Variants in RBM33 observed in about 807,000 individuals in gnomAD.
RBM33 encodes the protein RNA-binding protein 33.
In RBM33, 28 loss-of-function variants were observed where a neutral mutation model predicts 132.6. The ratio of observed to expected loss-of-function variants is 0.21; its 90% CI spans 0.16 to 0.29. RBM33 has a LOEUF of 0.29. RBM33 is among the 10% of genes least tolerant of loss of function. RBM33 has a pLI of 1.00. For missense variants in RBM33, 1,291 were observed against 1,518.5 expected (o/e 0.85, Z 2.49); for synonymous variants, 634 against 593.0 (o/e 1.07, Z -1.01).
chr7:155,712,164 C>T (rs1800323924), intron 8 of RBM33, among the ~76,000 whole-genome samples: 2 of 152,190 alleles, frequency 1.3e-5, no homozygotes, highest in African/African-American at 2.4e-5. Context: ...TGGTGAGTGT[C>T]CCTCTTTGGT....
In RBM33 at chr7:155,749,015, C is replaced by T. The variant is rs570285032; in HGVS notation, c.2979+3413C>T. 1.8e-4 allele frequency among the ~76,000 whole-genome samples: 28 copies of T among 152,248 alleles called. No individual in the cohort carries two copies. In the East Asian group the frequency reaches 3.9e-3, roughly 21 times the overall value. ...CCTTTCTCTAGGACTGAGAGCTCAC[C>T]TGTGCACGCAGTCATGTGATGGGGT... On this transcript the variant is annotated intron_variant, in intron 14 of 17. Transcript: ENST00000401878.
chr7:155,704,256 A>G (rs772738676), intron 6 of RBM33, among the ~76,000 whole-genome samples: 2 of 152,178 alleles, frequency 1.3e-5, no homozygotes, highest in African/African-American at 2.4e-5. Flanking sequence ...CTAGGTTAAG[A>G]TCTTAATTGA....
chr7:155,719,925 T>G (rs1800571201), intron 9 of RBM33, among the ~76,000 whole-genome samples: 1 of 152,244 alleles, frequency 6.6e-6, no homozygotes, highest in South Asian at 2.1e-4. Flanking sequence ...GAATAGTCAA[T>G]TGCAATTTTT....
chr7:155,765,664 TC>T (rs2117071734), intron 15 of RBM33, among the ~76,000 whole-genome samples: 1 of 152,342 alleles, frequency 6.6e-6, no homozygotes, highest in South Asian at 2.1e-4. Context: ...TTCACCGCTG[TC>T]CTAGGCTACA....
At chr7:155,764,269 C>T (rs1200895930) in intron 15 of RBM33, among the ~76,000 whole-genome samples, 1 of 152,186 alleles carries the variant, frequency 6.6e-6, no homozygotes, top group African/African-American at 2.4e-5. Context: ...TGCTTCCTGC[C>T]GCTCTGAACT....
At chr7:155,684,718 C>T (rs1179220561) in intron 5 of RBM33, among the ~76,000 whole-genome samples, 1 of 152,206 alleles carries the variant, frequency 6.6e-6, no homozygotes, top group African/African-American at 2.4e-5. Flanking sequence ...GGCACTTGCT[C>T]TGGTGGCTGG....
Position 155,764,036 on chromosome 7 carries a change from G to T in RBM33, c.3186+18G>T. The stretch of plus-strand genomic sequence containing the variant: ...CGAAGAAGGTACTGCTTGTTGCCTC[G>T]CACGCAGCCCTGGAAACGCGAAGGC... On this transcript the variant is annotated intron_variant, in intron 15 of 17. Coordinates refer to ENST00000401878, the MANE Select transcript of RBM33 (RefSeq NM_053043.3). 6.7e-7 allele frequency: 1 copy of T among 1,497,324 alleles called. No homozygotes were observed. Among genetic ancestry groups the T allele is most frequent in the Non-Finnish European group, 8.9e-7 (1 of 1,120,522 alleles). The allele number at this position is 1,497,324 out of a possible 1,614,324, so 92.8% of individuals were successfully genotyped here. A position where few individuals can be genotyped will look rare whatever the true frequency, so the allele number is the denominator to read the frequency against.
At chr7:155,678,895 G>T (rs1164489434) in intron 4 of RBM33, among the ~76,000 whole-genome samples, 2 of 152,244 alleles carry the variant, frequency 1.3e-5, no homozygotes, top group Admixed American at 1.3e-4. Context: ...TTCTTGGCCA[G>T]GCGTTGTAGC....
intron 9 of RBM33, 110 bp from the exon 10 acceptor site, chr7:155,737,420 G>A (rs867813758): frequency 7.0e-5 from 74 of 1,059,006 alleles, no homozygotes; most frequent in Middle Eastern, 6.5e-4. Context: ...TAGGAGACAC[G>A]TTACTTGACA....
At chr7:155,766,257 C>A (rs1209453132) in intron 15 of RBM33, among the ~76,000 whole-genome samples, 3 of 152,184 alleles carry the variant, frequency 2.0e-5, no homozygotes, top group Admixed American at 2.0e-4. Flanking sequence ...GCTCCCTCCT[C>A]TTCCTCCGCC....
At position 155,689,756 on chromosome 7, in the gene RBM33, G is replaced by A. The variant is rs541535622; in HGVS notation, c.567+8848G>A. ...CCCAGTAGTCAGTCAGGAGCAGGTT[G>A]TTCAGTTTCCATGTAGTTGAGCGGT... On this transcript the variant is annotated intron_variant, in intron 5 of 17. Transcript: ENST00000401878. Among the ~76,000 whole-genome samples the A allele has an allele frequency of 1.1e-4, 16 of 152,324 alleles. No homozygotes were observed. The South Asian group carries it at 2.7e-3, about 26-fold the overall frequency.
At chr7:155,695,090 T>A (rs1799754545) in intron 5 of RBM33, among the ~76,000 whole-genome samples, 1 of 152,178 alleles carries the variant, frequency 6.6e-6, no homozygotes, top group Admixed American at 6.5e-5. Context: ...TTCTAGTGAG[T>A]GTGTCATCGT....
Position 155,682,781 on chromosome 7 carries a change from AGAGTTT to A in RBM33, c.567+1875_567+1880del. ...GTCTCTTTCACTTTGGTGTTCTTGC[AGAGTTT>A]GTTGTAAAGAGAATTTCCAAGTGAG... is the stretch of plus-strand genomic sequence containing the variant. On this transcript the variant is annotated intron_variant, in intron 5 of 17. Transcript: ENST00000401878. 2.0e-5 allele frequency among the ~76,000 whole-genome samples: 3 copies of A among 152,312 alleles called. No individual in the cohort carries two copies. In the South Asian group the frequency reaches 6.2e-4, roughly 32 times the overall value.
intron 7 of RBM33, among the ~76,000 whole-genome samples, chr7:155,707,744 C>G (rs187990377): frequency 1.3e-5 from 2 of 152,174 alleles, no homozygotes; most frequent in Non-Finnish European, 2.9e-5. Flanking sequence ...GCAACCTACA[C>G]CTCCTGGGTT....
intron 9 of RBM33, among the ~76,000 whole-genome samples, chr7:155,728,247 TC>T (rs1800849574): frequency 6.6e-6 from 1 of 152,178 alleles, no homozygotes; most frequent in Non-Finnish European, 1.5e-5. Flanking sequence ...ACTGGATTTA[TC>T]TACCATTCAG....
intron 4 of RBM33, among the ~76,000 whole-genome samples, chr7:155,679,172 A>T (rs1312743570): frequency 6.8e-6 from 1 of 146,522 alleles, no homozygotes; most frequent in Non-Finnish European, 1.5e-5. Flanking sequence ...ACGCCGTCTT[A>T]AAAAAAAAAA....
rs1802527211 is a variant in RBM33, at chr7:155,774,082, C to G, written c.3376-477C>G. On this transcript the variant is annotated intron_variant, in intron 16 of 17. Coordinates refer to ENST00000401878, the MANE Select transcript of RBM33 (RefSeq NM_053043.3). The surrounding 1 kb of genome is among the most constrained non-coding windows in gnomAD (Gnocchi z 4.2). ...GCCCTCACCATGGCCCAGCCAGATG[C>G]ACAGAGATGGTAGACTAGGGGCCAT... Among the ~76,000 whole-genome samples, 1 of 152,238 alleles carries G rather than the reference C, an allele frequency of 6.6e-6. No homozygotes were observed. The highest frequency in any genetic ancestry group is 1.5e-5 in the Non-Finnish European group (1 of 68,048).
At position 155,763,806 on chromosome 7, in the gene RBM33, C is replaced by T; in HGVS notation, c.2980-6C>T. On this transcript the variant is annotated splice_region_variant and splice_polypyrimidine_tract_variant and intron_variant, in intron 14 of 17. Transcript: ENST00000401878. ...GAACAACGTGCTGCCTTCTTGGTTTCAGCAGGGAGGAGAGAGCGATGGCTT... is the reference window on the plus strand; with the variant it reads ...GAACAACGTGCTGCCTTCTTGGTTTTAGCAGGGAGGAGAGAGCGATGGCTT... The T allele has an allele frequency of 6.2e-7, 1 of 1,606,520 alleles. No homozygotes were observed. The highest frequency in any genetic ancestry group is 8.5e-7 in the Non-Finnish European group (1 of 1,176,602).
chr7:155,726,049 T>C (rs1256362697), intron 9 of RBM33, among the ~76,000 whole-genome samples: 2 of 152,238 alleles, frequency 1.3e-5, no homozygotes, highest in Non-Finnish European at 2.9e-5. Flanking sequence ...GTGACCTTTA[T>C]TCTTTGCATT....
Sources: gnomAD v4.1 joint callset for allele counts (sites outside exome capture counted in the v4.1 genomes callset) on GRCh38, gnomAD v4.1.1 for gene constraint, Gnocchi (gnomAD v3.1) non-coding constraint, MANE v1.5 for transcripts, NCBI Gene and HGNC (gene_info 2026-07-23, HGNC 2026-07-21) for gene names.